The following NXPH1 variants were observed in gnomAD, a reference collection of about 807,000 sequenced individuals.
NXPH1 encodes the protein neurexophilin 1.
In NXPH1, 5 loss-of-function variants were observed where a neutral mutation model predicts 23.7. The observed-to-expected ratio is 0.21, with a 90% CI of 0.11 to 0.44. The LOEUF (loss-of-function observed/expected upper bound fraction) is 0.44. Among genes scored for constraint, NXPH1 ranks in the 20% least tolerant of loss-of-function variants. The probability of loss-of-function intolerance (pLI) is 0.99; values close to 1 mark genes in which losing one functional copy is unlikely to be tolerated. For synonymous variants in NXPH1, 144 were observed against 122.2 expected, an observed-to-expected ratio of 1.18 and a Z score of -1.18; for missense variants, 324 against 321.6, an observed-to-expected ratio of 1.01 and a Z score of -0.06.
intron 2 of NXPH1, among the ~76,000 whole-genome samples, chr7:8,696,654 T>G (rs1452765687): frequency 1.3e-5 from 2 of 152,078 alleles, no homozygotes; most frequent in African/African-American, 4.8e-5. Context: ...GAAATGAGTG[T>G]GACTTTGTCT....
intron 2 of NXPH1, among the ~76,000 whole-genome samples, chr7:8,682,512 C>T (rs1252552919): frequency 1.3e-5 from 2 of 152,180 alleles, no homozygotes; most frequent in South Asian, 2.1e-4. Context: ...TTACCAAATT[C>T]CTTTGCTCCA....
At chr7:8,730,170 T>C (rs1431906492) in intron 2 of NXPH1, among the ~76,000 whole-genome samples, 1 of 149,294 alleles carries the variant, frequency 6.7e-6, no homozygotes, top group Non-Finnish European at 1.5e-5. Flanking sequence ...AACCCCTGCC[T>C]TTTTTTGTTT....
chr7:8,624,052 A>C (rs1819936999), intron 2 of NXPH1, among the ~76,000 whole-genome samples: 1 of 152,148 alleles, frequency 6.6e-6, no homozygotes, highest in Non-Finnish European at 1.5e-5. Flanking sequence ...GCTAGAGGGA[A>C]GGGGGATAAA....
chr7:8,511,747 A>G (rs1817615845), intron 2 of NXPH1, among the ~76,000 whole-genome samples: 1 of 152,128 alleles, frequency 6.6e-6, no homozygotes, highest in Non-Finnish European at 1.5e-5. Context: ...CTGATGCTGA[A>G]TTAGATTCTT....
At chr7:8,637,668 A>G (rs1820241311) in intron 2 of NXPH1, among the ~76,000 whole-genome samples, 1 of 152,196 alleles carries the variant, frequency 6.6e-6, no homozygotes, top group South Asian at 2.1e-4. Flanking sequence ...TGATTCAGAA[A>G]TAAATTTTAG....
intron 2 of NXPH1, among the ~76,000 whole-genome samples, chr7:8,619,536 T>C (rs1259848535): frequency 6.6e-6 from 1 of 152,218 alleles, no homozygotes; most frequent in Non-Finnish European, 1.5e-5. Flanking sequence ...ATATCCTGGC[T>C]AACCTCATTT....
chr7:8,558,592 T>G (rs919269350), intron 2 of NXPH1, among the ~76,000 whole-genome samples: 4 of 151,722 alleles, frequency 2.6e-5, no homozygotes, highest in Non-Finnish European at 5.9e-5. Context: ...TTTAGTTCTT[T>G]AAACCTTTGA....
chr7:8,737,081 T>A (rs1264606069), intron 2 of NXPH1, among the ~76,000 whole-genome samples: 1 of 152,172 alleles, frequency 6.6e-6, no homozygotes, highest in Non-Finnish European at 1.5e-5. Context: ...CTTAACTCTA[T>A]CCAATTTGCC....
At chr7:8,636,209 C>T (rs1395432227) in intron 2 of NXPH1, among the ~76,000 whole-genome samples, 3 of 152,096 alleles carry the variant, frequency 2.0e-5, no homozygotes, top group Non-Finnish European at 4.4e-5. Context: ...CCAGCAACAG[C>T]CCTCTGGGAT....
chr7:8,502,458 G>C (rs17149844), intron 2 of NXPH1, among the ~76,000 whole-genome samples: 24,371 of 151,640 alleles, frequency 0.16, 2,346 homozygotes, highest in African/African-American at 0.24. Flanking sequence ...TTGCACTCAA[G>C]GAATAGGATT....
intron 2 of NXPH1, among the ~76,000 whole-genome samples, chr7:8,457,542 G>GC (rs1554423009): frequency 6.9e-6 from 1 of 145,702 alleles, no homozygotes; most frequent in Non-Finnish European, 1.5e-5. Flanking sequence ...CTAATTCTTA[G>GC]TTTTTTTTTT....
chr7:8,523,568 A>C (rs890118027), intron 2 of NXPH1, among the ~76,000 whole-genome samples: 1 of 152,230 alleles, frequency 6.6e-6, no homozygotes, highest in Non-Finnish European at 1.5e-5. Context: ...TAGGATTCTA[A>C]GGATTAGATA....
rs114142612 is a variant in NXPH1 at position 8,650,827 on chromosome 7, G to C, written c.55-100181G>C. Reference sequence around the variant, plus strand: ...CTAATACAGACGTAAGTAGTATTTAGTCTTATTCAGACACTCATTGTATTG... The same window carrying C: ...CTAATACAGACGTAAGTAGTATTTACTCTTATTCAGACACTCATTGTATTG... On this transcript the variant is annotated intron_variant, in intron 2 of 2. Transcript: ENST00000405863. 2.2e-3 allele frequency among the ~76,000 whole-genome samples: 339 copies of C among 152,270 alleles called. 1 individual carries two copies. Among genetic ancestry groups the C allele is most frequent in the African/African-American group, 7.7e-3 (322 of 41,554 alleles).
At chr7:8,578,368 G>T (rs1442948977) in intron 2 of NXPH1, among the ~76,000 whole-genome samples, 2 of 152,010 alleles carry the variant, frequency 1.3e-5, no homozygotes, top group Non-Finnish European at 1.5e-5. Flanking sequence ...GTTAAGTCAG[G>T]GACTGTCTAT....
chr7:8,463,678 A>G (rs1321228384), intron 2 of NXPH1, among the ~76,000 whole-genome samples: 3 of 152,116 alleles, frequency 2.0e-5, no homozygotes, highest in Non-Finnish European at 2.9e-5. Context: ...CTTAATTTTG[A>G]GTGAGGTTGA....
At chr7:8,658,475 G>A (rs1820616292) in intron 2 of NXPH1, among the ~76,000 whole-genome samples, 2 of 152,174 alleles carry the variant, frequency 1.3e-5, no homozygotes, top group South Asian at 2.1e-4. Context: ...GCAGTACCAG[G>A]CTCCAAGGAA....
chr7:8,464,775 A>G (rs932301091), intron 2 of NXPH1, among the ~76,000 whole-genome samples: 2 of 152,066 alleles, frequency 1.3e-5, no homozygotes, highest in Admixed American at 6.5e-5. Flanking sequence ...GTACTTGAAT[A>G]CTATTATTGA....
intron 2 of NXPH1, among the ~76,000 whole-genome samples, chr7:8,728,586 A>G (rs1457148870): frequency 9.9e-5 from 15 of 152,196 alleles, no homozygotes; most frequent in African/African-American, 3.6e-4. Flanking sequence ...TTCTGCATCT[A>G]TTGAGATAAT....
At chr7:8,458,852 G>C (rs911158462) in intron 2 of NXPH1, among the ~76,000 whole-genome samples, 66 of 152,156 alleles carry the variant, frequency 4.3e-4, no homozygotes, top group African/African-American at 1.5e-3. Flanking sequence ...AGGTTGAAAT[G>C]ATCTTGATAG....
Sources: gnomAD v4.1 joint callset for allele counts (sites outside exome capture counted in the v4.1 genomes callset) on GRCh38, gnomAD v4.1.1 for gene constraint, MANE v1.5 for transcripts, NCBI Gene and HGNC (gene_info 2026-07-23, HGNC 2026-07-21) for gene names.